The following TMEM131L variants were observed in gnomAD, a reference collection of about 807,000 sequenced individuals.
The protein encoded by TMEM131L is transmembrane 131 like, also known as transmembrane protein 131-like.
Under a neutral mutation model 192.2 loss-of-function variants are expected in TMEM131L, and 54 were observed. The ratio of observed to expected loss-of-function variants is 0.28; its 90% confidence interval spans 0.23 to 0.35. The LOEUF is 0.35. Among genes scored for constraint, TMEM131L ranks in the 10% least tolerant of loss-of-function variants. The probability of loss-of-function intolerance (pLI) is 1.00; values close to 1 mark genes in which losing one functional copy is unlikely to be tolerated. For synonymous variants in TMEM131L, 701 were observed against 704.9 expected (o/e 0.99, Z 0.09); for missense variants, 1,888 against 1,972.9 (o/e 0.96, Z 0.82).
intron 18 of TMEM131L, 67 bp downstream of exon 18, chr4:153,592,651 T>C (rs776599765): frequency 1.6e-4 from 168 of 1,066,530 alleles, no homozygotes; most frequent in Middle Eastern, 1.0e-3. Context: ...TTACTTAATG[T>C]CCTACACTTT....
intron 3 of TMEM131L, among the ~76,000 whole-genome samples, chr4:153,511,137 A>G (rs933929077): frequency 6.6e-6 from 1 of 152,226 alleles, no homozygotes; most frequent in African/African-American, 2.4e-5. Flanking sequence ...CTGGGTATAT[A>G]CTCAAAGAAA....
At chr4:153,545,290 C>CTTTTTT (rs59852943) in intron 3 of TMEM131L, among the ~76,000 whole-genome samples, 14,689 of 131,836 alleles carry the variant, frequency 0.11, 1,516 homozygotes, top group African/African-American at 0.23. Flanking sequence ...CTTTTTCAAA[C>CTTTTTT]TTTTTTTTTT....
intron 3 of TMEM131L, among the ~76,000 whole-genome samples, chr4:153,498,615 A>C (rs998009638): frequency 3.3e-5 from 5 of 152,162 alleles, no homozygotes; most frequent in Admixed American, 3.3e-4. Flanking sequence ...CACAAGATGC[A>C]AATGTTTTTC....
At chr4:153,631,968 A>G (rs1011027044) in intron 31 of TMEM131L, among the ~76,000 whole-genome samples, 2 of 151,930 alleles carry the variant, frequency 1.3e-5, no homozygotes, top group Admixed American at 6.6e-5. Context: ...CACGTCAATC[A>G]CGTCTTTGAG....
chr4:153,581,524 A>G lies in TMEM131L; in HGVS notation c.856A>G (p.Ile286Val), dbSNP rs373560748. ...ACAACATTTGTTAGATCATCTCTCTATTGTTTACGTAGCTACAGATGAATC... is the reference window on the plus strand; with the variant it reads ...ACAACATTTGTTAGATCATCTCTCTGTTGTTTACGTAGCTACAGATGAATC... ...NTQHLLDHLSIVYVATDESET... is the reference protein window; with the variant it reads ...NTQHLLDHLSVVYVATDESET... The change falls in exon 9 of 35, where the codon ATT becomes GTT. Residue 286 changes from isoleucine to valine, a missense_variant. Transcript: ENST00000409959. 37 of 1,593,832 alleles carry G rather than the reference A, an allele frequency of 2.3e-5. No individual in the cohort carries two copies. The highest frequency in any genetic ancestry group is 2.8e-5 in the Non-Finnish European group (33 of 1,169,786).
chr4:153,541,469 C>A (rs1198171777), intron 3 of TMEM131L, among the ~76,000 whole-genome samples: 2 of 152,140 alleles, frequency 1.3e-5, no homozygotes, highest in Non-Finnish European at 1.5e-5. Context: ...GGCAGGTAGG[C>A]CAAGGCACTC....
At chr4:153,545,562 C>T (rs1251296690) in intron 3 of TMEM131L, among the ~76,000 whole-genome samples, 2 of 152,182 alleles carry the variant, frequency 1.3e-5, no homozygotes, top group Admixed American at 6.5e-5. Context: ...GCTGGGATTA[C>T]AGGCATGAGC....
chr4:153,592,713 A>C, intron 18 of TMEM131L, 129 bp downstream of exon 18: 26 of 671,830 alleles, frequency 3.9e-5, no homozygotes, highest in Non-Finnish European at 5.2e-5. Flanking sequence ...CGATTAGCTC[A>C]TGGACCTTGG....
In TMEM131L at chr4:153,574,262, G is replaced by A. The variant is rs140895723; in HGVS notation, c.661-6564G>A. Among the ~76,000 whole-genome samples, 150 of 152,306 alleles carry A rather than the reference G, an allele frequency of 9.8e-4. 1 individual carries two copies. The highest frequency in any genetic ancestry group is 3.3e-3 in the African/African-American group (136 of 41,564). On this transcript the variant is annotated intron_variant, in intron 7 of 34. Transcript: ENST00000409959. The stretch of plus-strand genomic sequence containing the variant: ...GCAAATGTTTGCATGAGTGGGTCTG[G>A]CAGTATAGTTAGATTTTGTTTTAGT...
In TMEM131L at chr4:153,577,238, G is replaced by A. The variant is rs548769051; in HGVS notation, c.661-3588G>A. On this transcript the variant is annotated intron_variant, in intron 7 of 34. Coordinates refer to ENST00000409959, the MANE Select transcript of TMEM131L (RefSeq NM_001131007.2). ...GGGAGGTCGAGACTAGGCAGGTGCC[G>A]GAGTTTTATAGCGACAGCAGAGGAT... 2.1e-4 allele frequency among the ~76,000 whole-genome samples: 32 copies of A among 152,264 alleles called. No homozygotes were observed. In the East Asian group the frequency reaches 4.8e-3, roughly 23 times the overall value.
At chr4:153,522,542 C>T (rs1735194010) in intron 3 of TMEM131L, among the ~76,000 whole-genome samples, 1 of 152,150 alleles carries the variant, frequency 6.6e-6, no homozygotes, top group Admixed American at 6.5e-5. Context: ...CTGCCTCATG[C>T]TATTTCTGCC....
intron 25 of TMEM131L, among the ~76,000 whole-genome samples, chr4:153,605,372 G>C (rs1732153517): frequency 6.6e-6 from 1 of 152,102 alleles, no homozygotes; most frequent in South Asian, 2.1e-4. Context: ...AGTCAGATTT[G>C]TTTTATTTTG....
chr4:153,467,251 A>G lies in TMEM131L; in HGVS notation c.165A>G (p.Ala55=), dbSNP rs374783606. Residue 55 remains alanine, a synonymous_variant, in exon 2 of 35, where the codon GCA becomes GCG. Coordinates refer to ENST00000409959, the MANE Select transcript of TMEM131L (RefSeq NM_001131007.2). ...CGAACGTGGTGGAGCTGTGGCAGGC[A>G]GAAGAAGGGGAACTCCTGCTGCCCA... is the stretch of plus-strand genomic sequence containing the variant. The part of the protein sequence containing the change: ...PLPNVVELWQ[A]EEGELLLPTQ... 1,038 of 1,551,634 alleles carry G rather than the reference A, an allele frequency of 6.7e-4. 20 individuals carry two copies. The East Asian group carries it at 0.018, about 27-fold the overall frequency.
At chr4:153,629,344 G>A (rs1000306557) in intron 31 of TMEM131L, among the ~76,000 whole-genome samples, 13 of 152,180 alleles carry the variant, frequency 8.5e-5, no homozygotes, top group Non-Finnish European at 1.9e-4. Flanking sequence ...GCCATTCTCT[G>A]CCTCTCTCCT....
chr4:153,586,990 C>G (rs989991439), intron 14 of TMEM131L, among the ~76,000 whole-genome samples: 53 of 151,924 alleles, frequency 3.5e-4, no homozygotes, highest in Middle Eastern at 6.8e-3. Context: ...ACTCTGGGTT[C>G]TGGTTTTTCT....
Position 153,636,366 on chromosome 4 carries a change from G to T in TMEM131L, c.4623G>T (p.Pro1541=), listed in dbSNP as rs375188134. ...GACTTTTTGGTTCCATCTGGGCCCC[G>T]CAAAGCGATGTGTATGAAAATTGCT... ...MSGLFGSIWA[P]QSDVYENCCP... is the part of the protein sequence containing the mutation. The change falls in exon 35 of 35, where the codon CCG becomes CCT. Residue 1541 remains proline (P), a synonymous_variant. Coordinates refer to ENST00000409959, the MANE Select transcript of TMEM131L (RefSeq NM_001131007.2). 5 of 1,613,928 alleles carry T rather than the reference G, an allele frequency of 3.1e-6. No homozygotes were observed. Among genetic ancestry groups the T allele is most frequent in the Non-Finnish European group, 4.2e-6 (5 of 1,179,988 alleles).
chr4:153,487,875 A>C (rs1351848237), intron 3 of TMEM131L, among the ~76,000 whole-genome samples: 1 of 138,100 alleles, frequency 7.2e-6, no homozygotes, highest in Non-Finnish European at 1.6e-5. Flanking sequence ...GAGAGAGACA[A>C]AGAGACAGAC....
At chr4:153,526,913 G>A (rs887534752) in intron 3 of TMEM131L, among the ~76,000 whole-genome samples, 3 of 152,144 alleles carry the variant, frequency 2.0e-5, no homozygotes, top group African/African-American at 7.2e-5. Flanking sequence ...TCTGTTGAGC[G>A]GGCGTGTAGG....
At chr4:153,556,936 C>T in intron 5 of TMEM131L, 30 bp from the exon 6 acceptor site, 2 of 1,067,474 alleles carry the variant, frequency 1.9e-6, no homozygotes, top group East Asian at 2.4e-5. Context: ...GAGGCCATTC[C>T]AAGTGGCTGA....
Sources: allele counts gnomAD v4.1 joint callset (sites outside exome capture counted in the v4.1 genomes callset), GRCh38; gene constraint gnomAD v4.1.1; transcripts MANE v1.5; gene names NCBI Gene and HGNC (gene_info 2026-07-23, HGNC 2026-07-21).